The following CELF4 variants were observed in gnomAD, a reference collection of about 807,000 sequenced individuals.
CELF4 encodes the protein CUG-BP- and ETR-3-like factor 4.
Under a neutral mutation model 59.9 loss-of-function variants are expected in CELF4, and 18 were observed. The ratio of observed to expected loss-of-function variants is 0.30; its 90% CI spans 0.21 to 0.45. The LOEUF is 0.45. Among genes scored for constraint, CELF4 ranks in the 20% least tolerant of loss-of-function variants. The pLI, the probability that CELF4 is intolerant of heterozygous loss-of-function variation, is 1.00. For missense variants in CELF4, 456 were observed against 689.0 expected (o/e 0.66, Z 3.79); for synonymous variants, 261 against 267.1 (o/e 0.98, Z 0.22).
chr18:37,396,028 C>T (rs1369312923), intron 2 of CELF4, among the ~76,000 whole-genome samples: 2 of 152,230 alleles, frequency 1.3e-5, no homozygotes, highest in African/African-American at 4.8e-5. Flanking sequence ...ATAGGTCCCC[C>T]CTTCTGATAC....
At chr18:37,389,741 C>A (rs1225306846) in intron 2 of CELF4, among the ~76,000 whole-genome samples, 1 of 152,156 alleles carries the variant, frequency 6.6e-6, no homozygotes, top group African/African-American at 2.4e-5. Context: ...GGAGTGTGAG[C>A]GTGCACACAG....
At chr18:37,360,788 A>G (rs2098691454) in intron 2 of CELF4, among the ~76,000 whole-genome samples, 1 of 152,194 alleles carries the variant, frequency 6.6e-6, no homozygotes. Context: ...CAGAGGGGGA[A>G]CTGCTTGGGA....
rs760606240 is a variant in CELF4, at chr18:37,511,910, G to A, written c.287-26303C>T. The stretch of plus-strand genomic sequence containing the variant: ...TGAAAGCAACTGTTACAGCCCCTCC[G>A]ACCTTTAATGCAGAGTCAGCGGCTG... On this transcript the variant is annotated intron_variant, in intron 1 of 12. Transcript: ENST00000420428. Among the ~76,000 whole-genome samples the A allele has an allele frequency of 5.5e-4, 83 of 151,972 alleles. 1 individual carries two copies. Among genetic ancestry groups the A allele is most frequent in the Non-Finnish European group, 9.7e-4 (66 of 68,022 alleles).
chr18:37,399,633 C>T (rs529895486), intron 2 of CELF4, among the ~76,000 whole-genome samples: 2 of 152,304 alleles, frequency 1.3e-5, no homozygotes, highest in East Asian at 3.9e-4. Context: ...GCCTGAGATA[C>T]ACCCACCAGT....
At chr18:37,331,899 T>A (rs1352627181) in intron 2 of CELF4, among the ~76,000 whole-genome samples, 1 of 151,850 alleles carries the variant, frequency 6.6e-6, no homozygotes, top group East Asian at 1.9e-4. Flanking sequence ...CCGCAGAGGA[T>A]CTGGTGTGGC....
At chr18:37,427,809 A>C (rs2099623279) in intron 2 of CELF4, among the ~76,000 whole-genome samples, 1 of 152,234 alleles carries the variant, frequency 6.6e-6, no homozygotes, top group Non-Finnish European at 1.5e-5. Context: ...CCAGTCCTGC[A>C]GAGTTCTCCA....
At chr18:37,478,537 AC>A (rs778801070) in intron 2 of CELF4, among the ~76,000 whole-genome samples, 6 of 151,798 alleles carry the variant, frequency 4.0e-5, no homozygotes, top group Non-Finnish European at 7.4e-5. Context: ...AAAATGTGGA[AC>A]CCTCAGGACA....
chr18:37,411,338 T>C (rs960190715), intron 2 of CELF4, among the ~76,000 whole-genome samples: 8 of 152,140 alleles, frequency 5.3e-5, no homozygotes, highest in African/African-American at 1.9e-4. Context: ...CCCATCCCAA[T>C]GTGTGGGAGA....
chr18:37,275,370 G>A (rs1406276113), intron 3 of CELF4, 127 bp from the exon 4 acceptor site: 5 of 929,496 alleles, frequency 5.4e-6, no homozygotes, highest in Admixed American at 5.7e-5. Context: ...GCTCGGAGCC[G>A]GCGGGGGAGA....
intron 1 of CELF4, among the ~76,000 whole-genome samples, chr18:37,540,891 A>G (rs1416411350): frequency 1.3e-5 from 2 of 152,006 alleles, no homozygotes; most frequent in Admixed American, 6.6e-5. Flanking sequence ...TTAATGACAA[A>G]GTGAGGGCTG....
At position 37,476,869 on chromosome 18, in the gene CELF4, G is replaced by A. The variant is rs566644845; in HGVS notation, c.369+8656C>T. ...TGGACACACACCTCGCTCCACACATGCCCACATTCACACCTGCACCGGCGG... is the reference window on the plus strand; with the variant it reads ...TGGACACACACCTCGCTCCACACATACCCACATTCACACCTGCACCGGCGG... On this transcript the variant is annotated intron_variant, in intron 2 of 12. Coordinates refer to ENST00000420428, the MANE Select transcript of CELF4 (RefSeq NM_020180.4). Among the ~76,000 whole-genome samples, 48 of 152,282 alleles carry A rather than the reference G, an allele frequency of 3.2e-4. No homozygotes were observed. In the East Asian group the frequency reaches 3.9e-3, roughly 12 times the overall value.
At chr18:37,506,713 C>G (rs1203550325) in intron 1 of CELF4, among the ~76,000 whole-genome samples, 1 of 152,232 alleles carries the variant, frequency 6.6e-6, no homozygotes, top group East Asian at 1.9e-4. Context: ...CCAAAAGACT[C>G]CCACTGCACA....
At chr18:37,565,195 G>T (rs888486529) in intron 1 of CELF4, among the ~76,000 whole-genome samples, 161 bp downstream of exon 1, 4 of 152,068 alleles carry the variant, frequency 2.6e-5, no homozygotes, top group Non-Finnish European at 5.9e-5. Context: ...AGCTCCCCAC[G>T]CACCCCAGCT....
intron 1 of CELF4, among the ~76,000 whole-genome samples, chr18:37,517,940 G>T (rs1003733005): frequency 3.3e-5 from 5 of 152,152 alleles, no homozygotes; most frequent in Non-Finnish European, 1.5e-5. Flanking sequence ...TGCATGGTAG[G>T]GGGGCACCTA....
At chr18:37,504,797 C>T (rs1252098868) in intron 1 of CELF4, among the ~76,000 whole-genome samples, 1 of 152,200 alleles carries the variant, frequency 6.6e-6, no homozygotes, top group African/African-American at 2.4e-5. Context: ...TATGGAGATC[C>T]TCGAGAGGTG....
At chr18:37,489,185 G>A (rs918690219) in intron 1 of CELF4, among the ~76,000 whole-genome samples, 3 of 152,270 alleles carry the variant, frequency 2.0e-5, no homozygotes, top group Non-Finnish European at 2.9e-5. Context: ...CCGATGCAGC[G>A]GCTGACACGC....
chr18:37,466,330 G>A (rs1416958217), intron 2 of CELF4, among the ~76,000 whole-genome samples: 1 of 151,344 alleles, frequency 6.6e-6, no homozygotes, highest in Non-Finnish European at 1.5e-5. Context: ...GAGGCCAGGA[G>A]TCTCCAGATG....
chr18:37,562,972 A>G (rs2099987006), intron 1 of CELF4, among the ~76,000 whole-genome samples: 1 of 152,150 alleles, frequency 6.6e-6, no homozygotes, highest in Admixed American at 6.5e-5. Context: ...CCTGCTTGCC[A>G]CTGACTGAGA....
chr18:37,256,910 G>A (rs1235479543), intron 11 of CELF4, among the ~76,000 whole-genome samples: 3 of 152,188 alleles, frequency 2.0e-5, no homozygotes, highest in Non-Finnish European at 4.4e-5. Context: ...AGGCCTCTGG[G>A]ATATTGGCAG....
Sources: gnomAD v4.1 joint callset for allele counts (sites outside exome capture counted in the v4.1 genomes callset) on GRCh38, gnomAD v4.1.1 for gene constraint, MANE v1.5 for transcripts, NCBI Gene and HGNC (gene_info 2026-07-23, HGNC 2026-07-21) for gene names.